Variants in SORCS3 observed in about 807,000 individuals in gnomAD.
SORCS3 encodes VPS10 domain-containing receptor SorCS3.
In SORCS3, 57 loss-of-function variants were observed where a neutral mutation model predicts 146.3. That is an observed-to-expected ratio of 0.39 (90% CI 0.31 to 0.49). SORCS3 has a LOEUF of 0.49. Among genes scored for constraint, SORCS3 ranks in the 20% least tolerant of loss-of-function variants. The pLI is 0.92. For synonymous variants in SORCS3, 653 were observed against 618.5 expected (o/e 1.06, Z -0.83); for missense variants, 1,341 against 1,575.5 (o/e 0.85, Z 2.52).
At chr10:104,805,867 C>T (rs2017674579) in intron 1 of SORCS3, among the ~76,000 whole-genome samples, 1 of 152,102 alleles carries the variant, frequency 6.6e-6, no homozygotes, top group Non-Finnish European at 1.5e-5. Context: ...TTGCTTTCCC[C>T]TCTTTACTTA....
At chr10:104,978,414 T>C (rs1219988064) in intron 4 of SORCS3, among the ~76,000 whole-genome samples, 2 of 152,198 alleles carry the variant, frequency 1.3e-5, no homozygotes, top group Non-Finnish European at 2.9e-5. Flanking sequence ...GCTGCATACA[T>C]AGCATTGTCT....
intron 20 of SORCS3, among the ~76,000 whole-genome samples, chr10:105,229,699 G>A (rs1186271298): frequency 6.6e-6 from 1 of 152,122 alleles, no homozygotes; most frequent in Non-Finnish European, 1.5e-5. Flanking sequence ...TTTTTGCTGG[G>A]GACTGGGATG....
At chr10:105,060,932 C>T (rs1435666688) in intron 5 of SORCS3, among the ~76,000 whole-genome samples, 3 of 136,764 alleles carry the variant, frequency 2.2e-5, no homozygotes, top group Non-Finnish European at 4.8e-5. Context: ...AGTGAAACTC[C>T]GTCTTAAAAC....
At chr10:105,097,154 A>T (rs1018697773) in intron 6 of SORCS3, among the ~76,000 whole-genome samples, 8 of 152,128 alleles carry the variant, frequency 5.3e-5, no homozygotes, top group Admixed American at 2.0e-4. Context: ...ATCTAACCCA[A>T]CATCAGCTGG....
chr10:104,969,347 G>GCA (rs2054845644), intron 3 of SORCS3, among the ~76,000 whole-genome samples: 3 of 151,392 alleles, frequency 2.0e-5, no homozygotes, highest in Admixed American at 1.3e-4. Context: ...GTGTGCGCGC[G>GCA]CGCGTACAGA....
intron 22 of SORCS3, among the ~76,000 whole-genome samples, chr10:105,248,402 CAG>C (rs981237969): frequency 1.3e-5 from 2 of 152,114 alleles, no homozygotes; most frequent in Non-Finnish European, 2.9e-5. Flanking sequence ...TGTCAGTTAA[CAG>C]GGGCAGGATG....
At position 104,817,380 on chromosome 10, in the gene SORCS3, C is replaced by T. The variant is rs541602203; in HGVS notation, c.628-25412C>T. ...CTCTTCCACCCTTCTCCCCTTCCTC[C>T]CCCTCCTCCTCCTCCTTCCCCCTCC... On this transcript the variant is annotated intron_variant, in intron 1 of 26. Coordinates refer to ENST00000369701, the MANE Select transcript of SORCS3 (RefSeq NM_014978.3). 2.5e-3 allele frequency among the ~76,000 whole-genome samples: 267 copies of T among 105,558 alleles called. 4 individuals are homozygous for T. Among genetic ancestry groups the T allele is most frequent in the African/African-American group, 9.2e-3 (255 of 27,680 alleles). 69.3% of individuals were successfully genotyped at this position (105,558 alleles called of 152,430 possible).
At chr10:104,687,323 A>G (rs2016056921) in intron 1 of SORCS3, among the ~76,000 whole-genome samples, 1 of 152,142 alleles carries the variant, frequency 6.6e-6, no homozygotes, top group Admixed American at 6.5e-5. Context: ...ATGCTTTCTG[A>G]GCTCCTTACC....
chr10:105,069,573 C>T lies in SORCS3; in HGVS notation c.1029-20202C>T, dbSNP rs116292719. 9.4e-3 allele frequency among the ~76,000 whole-genome samples: 1,429 copies of T among 152,214 alleles called. 18 individuals carry two copies. The highest frequency in any genetic ancestry group is 0.032 in the African/African-American group (1,331 of 41,532). The stretch of plus-strand genomic sequence containing the variant: ...TCCTGAGTTTAGATCTGTTAATATC[C>T]GCAACTCCTTCAGACAGTGCTTGGC... On this transcript the variant is annotated intron_variant, in intron 5 of 26. Coordinates refer to ENST00000369701, the MANE Select transcript of SORCS3 (RefSeq NM_014978.3).
chr10:104,832,320 A>C (rs2018009787), intron 1 of SORCS3, among the ~76,000 whole-genome samples: 1 of 152,150 alleles, frequency 6.6e-6, no homozygotes, highest in Non-Finnish European at 1.5e-5. Context: ...TGACAATAGG[A>C]ACAAATCATC....
chr10:105,104,197 A>G (rs1292566129), intron 6 of SORCS3, among the ~76,000 whole-genome samples: 1 of 152,236 alleles, frequency 6.6e-6, no homozygotes, highest in East Asian at 1.9e-4. Flanking sequence ...AGATAGGCAT[A>G]TGTAATAATG....
intron 20 of SORCS3, among the ~76,000 whole-genome samples, chr10:105,229,622 T>C (rs575626181): frequency 6.6e-6 from 1 of 152,342 alleles, no homozygotes; most frequent in African/African-American, 2.4e-5. Context: ...TTGCCTTAAA[T>C]AGAATCAGTG....
intron 4 of SORCS3, 120 bp from the exon 5 acceptor site, chr10:105,042,935 A>C: frequency 1.3e-6 from 1 of 777,776 alleles, no homozygotes; most frequent in Non-Finnish European, 2.2e-6. Flanking sequence ...ATCTGGATAA[A>C]ATAAATGCCT....
At chr10:104,960,005 G>A (rs1243317957) in intron 3 of SORCS3, among the ~76,000 whole-genome samples, 1 of 152,116 alleles carries the variant, frequency 6.6e-6, no homozygotes, top group Non-Finnish European at 1.5e-5. Flanking sequence ...TGTCTCAAAG[G>A]GTTGTTGCAG....
chr10:105,069,393 C>G (rs1041303285), intron 5 of SORCS3, among the ~76,000 whole-genome samples: 1 of 152,212 alleles, frequency 6.6e-6, no homozygotes, highest in Non-Finnish European at 1.5e-5. Context: ...AACCTCTTGG[C>G]TTCTCTATTG....
At chr10:105,088,734 T>C (rs1270968455) in intron 5 of SORCS3, among the ~76,000 whole-genome samples, 1 of 152,154 alleles carries the variant, frequency 6.6e-6, no homozygotes, top group Non-Finnish European at 1.5e-5. Flanking sequence ...ATTTGTGGCA[T>C]GGAAGATTGG....
chr10:104,661,688 G>A (rs951160861), intron 1 of SORCS3, among the ~76,000 whole-genome samples: 3 of 152,104 alleles, frequency 2.0e-5, no homozygotes, highest in Non-Finnish European at 4.4e-5. Flanking sequence ...TAGATAGATA[G>A]ATAGATAGAT....
chr10:104,763,100 C>T (rs1436606022), intron 1 of SORCS3, among the ~76,000 whole-genome samples: 1 of 152,028 alleles, frequency 6.6e-6, no homozygotes, highest in Non-Finnish European at 1.5e-5. Flanking sequence ...AAGTGTGGTC[C>T]CTGGCACGTG....
chr10:104,883,029 C>T (rs937723128), intron 2 of SORCS3, among the ~76,000 whole-genome samples: 1 of 152,186 alleles, frequency 6.6e-6, no homozygotes, highest in Admixed American at 6.5e-5. Flanking sequence ...GGTGGCTGTG[C>T]CACCTGCCAG....
Sources: gnomAD v4.1 joint callset for allele counts (sites outside exome capture counted in the v4.1 genomes callset) on GRCh38, gnomAD v4.1.1 for gene constraint, MANE v1.5 for transcripts, NCBI Gene and HGNC (gene_info 2026-07-23, HGNC 2026-07-21) for gene names.